The following FAM83B variants were observed in gnomAD, a reference collection of about 807,000 sequenced individuals.
The protein encoded by FAM83B is scaffolding CK1 anchoring protein B.
FAM83B carries 26 observed loss-of-function variants against 38.8 expected under a neutral mutation model. That is an observed-to-expected ratio of 0.67 (90% confidence interval 0.49 to 0.93). The LOEUF (loss-of-function observed/expected upper bound fraction) is 0.93. Among genes scored for constraint, FAM83B ranks in the 40% least tolerant of loss-of-function variants. FAM83B has a pLI of 0.00. For synonymous variants in FAM83B, 419 were observed against 423.1 expected (o/e 0.99, Z 0.12); for missense variants, 1,237 against 1,197.3 (o/e 1.03, Z -0.49).
intron 2 of FAM83B, among the ~76,000 whole-genome samples, chr6:54,913,959 A>T (rs1486812567): frequency 1.3e-5 from 2 of 152,094 alleles, no homozygotes; most frequent in African/African-American, 4.8e-5. Context: ...TAAAGAATAA[A>T]AATAATAATT....
chr6:54,883,938 G>C (rs1198765266), intron 2 of FAM83B, among the ~76,000 whole-genome samples: 1 of 152,022 alleles, frequency 6.6e-6, no homozygotes, highest in Non-Finnish European at 1.5e-5. Flanking sequence ...GGGAGGCCGA[G>C]GCGGGCAGAT....
At chr6:54,861,447 C>A (rs1396801098) in intron 1 of FAM83B, among the ~76,000 whole-genome samples, 1 of 152,056 alleles carries the variant, frequency 6.6e-6, no homozygotes, top group Non-Finnish European at 1.5e-5. Flanking sequence ...GTCCCAGCTA[C>A]TCAGGAAGTT....
Position 54,941,475 on chromosome 6 carries a change from C to T in FAM83B, c.2504C>T (p.Ser835Leu). 1.2e-6 allele frequency: 2 copies of T among 1,613,820 alleles called. No individual in the cohort carries two copies. The highest frequency in any genetic ancestry group is 8.5e-7 in the Non-Finnish European group (1 of 1,179,960). The change falls in exon 5 of 5, where the codon TCA becomes TTA. Residue 835 changes from serine to leucine, a missense_variant. Coordinates refer to ENST00000306858, the MANE Select transcript of FAM83B (RefSeq NM_001010872.3). ...DSSPRRKHSS[S>L]SNSQGSIHKS... ...TCTCCTAGAAGAAAGCATTCTTCCT[C>T]ATCGAATTCTCAAGGCAGCATCCAC...
intron 4 of FAM83B, among the ~76,000 whole-genome samples, 182 bp downstream of exon 4, chr6:54,927,814 G>A (rs1395094483): frequency 6.7e-6 from 1 of 148,658 alleles, no homozygotes; most frequent in Admixed American, 6.8e-5. Flanking sequence ...CCACTAAAGA[G>A]CATTAAGATC....
At chr6:54,893,986 C>A (rs1006734927) in intron 2 of FAM83B, among the ~76,000 whole-genome samples, 1 of 152,184 alleles carries the variant, frequency 6.6e-6, no homozygotes, top group Non-Finnish European at 1.5e-5. Context: ...TTTCTTCTCA[C>A]CTTATTTTAA....
chr6:54,892,224 CT>C (rs1424106585), intron 2 of FAM83B, among the ~76,000 whole-genome samples: 1 of 152,084 alleles, frequency 6.6e-6, no homozygotes, highest in Admixed American at 6.6e-5. Context: ...AACAACCTGC[CT>C]TTCTAGATTT....
At chr6:54,846,572 T>C (rs768507095), upstream of FAM83B, among the ~76,000 whole-genome samples, 4 of 152,200 alleles carry the variant, frequency 2.6e-5, no homozygotes, top group Non-Finnish European at 5.9e-5. Context: ...GAGCGCTTTC[T>C]GGCTGTTCGG....
intron 2 of FAM83B, among the ~76,000 whole-genome samples, chr6:54,874,303 T>C (rs1382890694): frequency 6.6e-6 from 1 of 152,178 alleles, no homozygotes; most frequent in East Asian, 1.9e-4. Flanking sequence ...TTTGCTTATT[T>C]TGTTTGAGAA....
At chr6:54,933,522 T>C (rs985262086) in intron 4 of FAM83B, among the ~76,000 whole-genome samples, 4 of 151,636 alleles carry the variant, frequency 2.6e-5, no homozygotes, top group Admixed American at 1.3e-4. Context: ...ATTTTATTTC[T>C]TAGGATTGGG....
At chr6:54,862,871 C>A (rs545721295) in intron 1 of FAM83B, among the ~76,000 whole-genome samples, 1 of 151,130 alleles carries the variant, frequency 6.6e-6, no homozygotes, top group African/African-American at 2.4e-5. Flanking sequence ...GTGCAAAAAC[C>A]CCCCCCCAAA....
In FAM83B at chr6:54,927,753, A is replaced by AAG. The variant is rs1350219325; in HGVS notation, c.734+125_734+126dup. 1.0e-5 allele frequency: 8 copies of AAG among 769,710 alleles called. No homozygotes were observed. The African/African-American group carries it at 1.5e-4, about 14-fold the overall frequency. The allele number at this position is 769,710 out of a possible 1,614,324, so 47.7% of individuals were successfully genotyped here. On this transcript the variant is annotated intron_variant, in intron 4 of 4. Transcript: ENST00000306858. Reference sequence around the variant, plus strand: ...TAAAAAAAAAAAAAAAAAAAAAAAAAAGAGAACACTTGCATGGAGATTAGA... The same window carrying AAG: ...TAAAAAAAAAAAAAAAAAAAAAAAAAAGAGAGAACACTTGCATGGAGATTAGA...
rs1773624971 is a variant in FAM83B, at chr6:54,940,024, T to A, written c.1053T>A (p.Tyr351Ter). ...ATACTTTAAATGAACATGACAAATA[T>A]AACATAAGAAGTCACGGATACAAAC... is the stretch of plus-strand genomic sequence containing the variant. ...GIYTLNEHDK[Y>*]NIRSHGYKPH... The change falls in exon 5 of 5, where the codon TAT (tyrosine) becomes TAA (stop). Residue 351 changes from tyrosine (Y) to a stop codon, truncating the protein, a stop_gained. Transcript: ENST00000306858. LOFTEE classifies it low-confidence loss of function (END_TRUNC). The A allele has an allele frequency of 6.2e-7, 1 of 1,613,970 alleles. No homozygotes were observed. Among genetic ancestry groups the A allele is most frequent in the Non-Finnish European group, 8.5e-7 (1 of 1,179,954 alleles).
At chr6:54,859,460 A>G (rs745655355) in intron 1 of FAM83B, among the ~76,000 whole-genome samples, 16 of 152,210 alleles carry the variant, frequency 1.1e-4, no homozygotes, top group Non-Finnish European at 2.2e-4. Flanking sequence ...GCAGTATATC[A>G]TTAGCTTATT....
rs748015500 is a variant in FAM83B, at chr6:54,941,048, G to A, written c.2077G>A (p.Val693Ile). The change falls in exon 5 of 5, where the codon GTT becomes ATT. Residue 693 changes from valine to isoleucine, a missense_variant. By Grantham distance (29) the Val-to-Ile change is conservative (BLOSUM62 3). Coordinates refer to ENST00000306858, the MANE Select transcript of FAM83B (RefSeq NM_001010872.3). ...ATATAGTACACTTACCAGGAATCGA[G>A]TTAGACAACCAGAAAAGCCCAAAGA... ...YVYSTLTRNRVRQPEKPKEDL... is the reference protein window; with the variant it reads ...YVYSTLTRNRIRQPEKPKEDL... 1.2e-6 allele frequency: 2 copies of A among 1,613,704 alleles called. No individual in the cohort carries two copies. The highest frequency in any genetic ancestry group is 2.2e-5 in the South Asian group (2 of 90,956).
At chr6:54,931,343 A>G (rs2127589717) in intron 4 of FAM83B, among the ~76,000 whole-genome samples, 1 of 151,952 alleles carries the variant, frequency 6.6e-6, no homozygotes, top group Non-Finnish European at 1.5e-5. Context: ...GTTCCTTTTG[A>G]TCTTCTGTCT....
intron 1 of FAM83B, among the ~76,000 whole-genome samples, chr6:54,853,044 C>T (rs1771348318): frequency 6.6e-6 from 1 of 152,138 alleles, no homozygotes; most frequent in South Asian, 2.1e-4. Context: ...TTAGACACCC[C>T]TGGATAGATC....
chr6:54,927,881 C>G (rs1773338688), intron 4 of FAM83B, among the ~76,000 whole-genome samples: 1 of 151,994 alleles, frequency 6.6e-6, no homozygotes, highest in African/African-American at 2.4e-5. Flanking sequence ...AACATGAAGA[C>G]ATTGACCAAT....
At chr6:54,898,770 T>C (rs908695582) in intron 2 of FAM83B, among the ~76,000 whole-genome samples, 2 of 152,166 alleles carry the variant, frequency 1.3e-5, no homozygotes, top group African/African-American at 4.8e-5. Flanking sequence ...CCAGCATATA[T>C]CAAATTGGTT....
At chr6:54,937,970 C>T (rs1773559830) in intron 4 of FAM83B, among the ~76,000 whole-genome samples, 1 of 151,872 alleles carries the variant, frequency 6.6e-6, no homozygotes, top group African/African-American at 2.4e-5. Flanking sequence ...AATTTTGGTG[C>T]ACCCATCACC....
Sources: allele counts gnomAD v4.1 joint callset (sites outside exome capture counted in the v4.1 genomes callset), GRCh38; gene constraint gnomAD v4.1.1; transcripts MANE v1.5; gene names NCBI Gene and HGNC (gene_info 2026-07-23, HGNC 2026-07-21).